EPHA5: variants seen among roughly 807,000 people sequenced by gnomAD.
EPHA5 encodes the protein ephrin type-A receptor 5.
A neutral mutation model predicts 105.0 loss-of-function variants in EPHA5; 60 were observed. The observed-to-expected ratio is 0.57, with a 90% CI of 0.46 to 0.71. EPHA5 has a LOEUF of 0.71. EPHA5 is among the 30% of genes least tolerant of loss of function. The pLI, the probability that EPHA5 is intolerant of heterozygous loss-of-function variation, is 0.00. For synonymous variants in EPHA5, 513 were observed against 449.1 expected (o/e 1.14, Z -1.80); for missense variants, 1,218 against 1,274.7 (o/e 0.96, Z 0.68).
At chr4:65,627,932 C>A (rs1024139626) in intron 2 of EPHA5, among the ~76,000 whole-genome samples, 1 of 151,902 alleles carries the variant, frequency 6.6e-6, no homozygotes, top group East Asian at 1.9e-4. Flanking sequence ...TAAAAATAAT[C>A]TTTTTATTAA....
At chr4:65,495,890 A>G (rs1186699423) in intron 3 of EPHA5, among the ~76,000 whole-genome samples, 1 of 152,198 alleles carries the variant, frequency 6.6e-6, no homozygotes, top group Non-Finnish European at 1.5e-5. Flanking sequence ...TATCATTACT[A>G]CAACTATGTT....
At chr4:65,663,113 G>T (rs1164185526) in intron 1 of EPHA5, among the ~76,000 whole-genome samples, 1 of 152,128 alleles carries the variant, frequency 6.6e-6, no homozygotes, top group Non-Finnish European at 1.5e-5. Flanking sequence ...TACAGGAAAA[G>T]AAGAGCTACA....
intron 3 of EPHA5, among the ~76,000 whole-genome samples, chr4:65,580,645 C>T (rs1274012112): frequency 6.6e-6 from 1 of 151,828 alleles, no homozygotes; most frequent in Non-Finnish European, 1.5e-5. Context: ...TCTGCTCTTT[C>T]CCTATTTGAC....
chr4:65,357,996 A>C (rs1249311716), intron 11 of EPHA5, among the ~76,000 whole-genome samples: 2 of 151,598 alleles, frequency 1.3e-5, no homozygotes, highest in East Asian at 1.9e-4. Context: ...AATTTGGGGA[A>C]TGTTGATCTA....
chr4:65,420,037 A>G (rs1723788273), intron 6 of EPHA5, among the ~76,000 whole-genome samples: 2 of 152,142 alleles, frequency 1.3e-5, no homozygotes, highest in Non-Finnish European at 2.9e-5. Context: ...TATGTGTCTC[A>G]TCTTTTTTCT....
At chr4:65,522,745 C>G (rs192214761) in intron 3 of EPHA5, among the ~76,000 whole-genome samples, 1 of 151,974 alleles carries the variant, frequency 6.6e-6, no homozygotes, top group Non-Finnish European at 1.5e-5. Context: ...GTCATCTACT[C>G]GGAAGGCTGG....
chr4:65,359,935 C>T (rs1717114116), intron 11 of EPHA5, among the ~76,000 whole-genome samples: 1 of 151,548 alleles, frequency 6.6e-6, no homozygotes, highest in South Asian at 2.1e-4. Flanking sequence ...TCTCCTACTA[C>T]ATCGTTAATC....
At chr4:65,417,889 C>CTAATGCA (rs1181825721) in intron 6 of EPHA5, among the ~76,000 whole-genome samples, 1 of 151,850 alleles carries the variant, frequency 6.6e-6, no homozygotes, top group Non-Finnish European at 1.5e-5. Context: ...CATAATGAAA[C>CTAATGCA]TAATGCATAT....
chr4:65,442,160 T>C (rs575658963), intron 5 of EPHA5, among the ~76,000 whole-genome samples: 1 of 152,198 alleles, frequency 6.6e-6, no homozygotes, highest in Non-Finnish European at 1.5e-5. Context: ...AATTCATATA[T>C]TGAAGTCCTA....
chr4:65,585,174 T>C (rs1388789900), intron 3 of EPHA5, among the ~76,000 whole-genome samples: 1 of 151,110 alleles, frequency 6.6e-6, no homozygotes, highest in Non-Finnish European at 1.5e-5. Flanking sequence ...ACATAATAAA[T>C]ATGATGTGCT....
chr4:65,618,926 G>A (rs1044329121), intron 2 of EPHA5, among the ~76,000 whole-genome samples: 6 of 152,092 alleles, frequency 3.9e-5, no homozygotes, highest in Non-Finnish European at 5.9e-5. Flanking sequence ...AGGCCTAGGC[G>A]GGTAGATGAT....
chr4:65,599,092 T>C (rs1438863558), intron 3 of EPHA5, among the ~76,000 whole-genome samples: 1 of 151,964 alleles, frequency 6.6e-6, no homozygotes, highest in East Asian at 1.9e-4. Flanking sequence ...AAAACAAAGT[T>C]TCAACAAGGT....
intron 2 of EPHA5, among the ~76,000 whole-genome samples, chr4:65,639,839 C>T (rs1205634519): frequency 6.6e-6 from 1 of 152,138 alleles, no homozygotes; most frequent in East Asian, 1.9e-4. Context: ...CCTTTCTTCT[C>T]TGTGCTCAAA....
At chr4:65,521,208 A>C (rs766871038) in intron 3 of EPHA5, among the ~76,000 whole-genome samples, 2 of 152,178 alleles carry the variant, frequency 1.3e-5, no homozygotes, top group South Asian at 2.1e-4. Context: ...AAAAATGATG[A>C]GTTCATGTCC....
chr4:65,410,852 T>C (rs953262130), intron 7 of EPHA5, among the ~76,000 whole-genome samples: 2 of 152,284 alleles, frequency 1.3e-5, no homozygotes, highest in East Asian at 3.9e-4. Flanking sequence ...TAAAAGGAAG[T>C]GATGCATTTT....
At chr4:65,598,724 A>T (rs2149431251) in intron 3 of EPHA5, among the ~76,000 whole-genome samples, 1 of 152,310 alleles carries the variant, frequency 6.6e-6, no homozygotes, top group African/African-American at 2.4e-5. Flanking sequence ...GATCTGAAGG[A>T]TTAGTGTATG....
intron 3 of EPHA5, among the ~76,000 whole-genome samples, chr4:65,496,447 T>A (rs1178713051): frequency 3.4e-5 from 5 of 148,636 alleles, no homozygotes; most frequent in African/African-American, 1.2e-4. Context: ...ATCTCATTGT[T>A]CAATTCCCAC....
chr4:65,401,030 ATG>A (rs35494344), intron 8 of EPHA5, among the ~76,000 whole-genome samples: 3 of 150,192 alleles, frequency 2.0e-5, no homozygotes, highest in African/African-American at 4.9e-5. Flanking sequence ...GATGGTAGTC[ATG>A]TGTGTGTGTG....
intron 3 of EPHA5, among the ~76,000 whole-genome samples, chr4:65,502,920 T>C (rs1453337387): frequency 6.6e-6 from 1 of 151,804 alleles, no homozygotes; most frequent in Non-Finnish European, 1.5e-5. Flanking sequence ...CCGCATGGAA[T>C]ACTACACAAC....
Sources: gnomAD v4.1 joint callset for allele counts (sites outside exome capture counted in the v4.1 genomes callset) on GRCh38, gnomAD v4.1.1 for gene constraint, MANE v1.5 for transcripts, NCBI Gene and HGNC (gene_info 2026-07-23, HGNC 2026-07-21) for gene names.